Variants in EYS observed in about 807,000 individuals in gnomAD.
EYS encodes protein eyes shut homolog.
A neutral mutation model predicts 282.1 loss-of-function variants in EYS; 250 were observed. That is an observed-to-expected ratio of 0.89 (90% CI 0.80 to 0.98). The LOEUF is 0.98. EYS is among the 50% of genes least tolerant of loss of function. The probability of loss-of-function intolerance (pLI) is 0.00; values close to 1 mark genes in which losing one functional copy is unlikely to be tolerated. For missense variants in EYS, 4,016 were observed against 3,709.0 expected, an observed-to-expected ratio of 1.08 and a Z score of -2.15; for synonymous variants, 1,355 against 1,282.9, an observed-to-expected ratio of 1.06 and a Z score of -1.20.
chr6:63,756,647 G>T (rs908465817), intron 41 of EYS, among the ~76,000 whole-genome samples: 1 of 152,166 alleles, frequency 6.6e-6, no homozygotes, highest in East Asian at 1.9e-4. Context: ...CATAAAGTGA[G>T]TTAGGGAGTG....
intron 14 of EYS, among the ~76,000 whole-genome samples, chr6:64,974,121 A>C (rs559058871): frequency 6.6e-6 from 1 of 151,938 alleles, no homozygotes; most frequent in African/African-American, 2.4e-5. Context: ...TCTTAAAATC[A>C]TTTGTTTATA....
intron 31 of EYS, among the ~76,000 whole-genome samples, chr6:64,203,714 A>G (rs796098798): frequency 5.9e-5 from 9 of 152,340 alleles, no homozygotes; most frequent in African/African-American, 2.2e-4. Flanking sequence ...GTAAGAGGAT[A>G]AAACAATTAC....
intron 22 of EYS, among the ~76,000 whole-genome samples, chr6:64,784,479 G>A (rs1439672920): frequency 1.3e-5 from 2 of 151,992 alleles, no homozygotes; most frequent in Non-Finnish European, 2.9e-5. Context: ...CTTGCTTATT[G>A]TCTTCCCCCT....
Position 65,459,566 on chromosome 6 carries a change from A to C in EYS, c.862+31028T>G, listed in dbSNP as rs75682710. ...TAAATCTGACAATTTAATGAATGAA[A>C]AGATAAAATAAAATATTATTATACA... is the stretch of plus-strand genomic sequence containing the variant. On this transcript the variant is annotated intron_variant, in intron 5 of 42. Coordinates refer to ENST00000503581, the MANE Select transcript of EYS (RefSeq NM_001142800.2). Among the ~76,000 whole-genome samples, 747 of 152,112 alleles carry C rather than the reference A, an allele frequency of 4.9e-3. 16 individuals are homozygous for C. The East Asian group carries it at 0.068, about 14-fold the overall frequency.
chr6:64,311,228 G>C (rs1220655455), intron 29 of EYS, among the ~76,000 whole-genome samples: 1 of 151,930 alleles, frequency 6.6e-6, no homozygotes, highest in African/African-American at 2.4e-5. Flanking sequence ...ATAATAATCA[G>C]GTTAATTAGG....
At chr6:63,851,939 C>T (rs1425497250) in intron 36 of EYS, among the ~76,000 whole-genome samples, 1 of 151,994 alleles carries the variant, frequency 6.6e-6, no homozygotes, top group Non-Finnish European at 1.5e-5. Flanking sequence ...GGGCAGATCA[C>T]GAGGTCAGGA....
chr6:64,585,389 G>A (rs752310824), intron 26 of EYS, among the ~76,000 whole-genome samples: 1 of 151,980 alleles, frequency 6.6e-6, no homozygotes, highest in Non-Finnish European at 1.5e-5. Context: ...TTGGATGATG[G>A]GATCTGTACC....
chr6:64,649,636 C>A (rs916501105), intron 22 of EYS, among the ~76,000 whole-genome samples: 1 of 152,136 alleles, frequency 6.6e-6, no homozygotes, highest in Non-Finnish European at 1.5e-5. Context: ...CCACGCCCAG[C>A]CAACTGCTTT....
At chr6:64,884,018 A>G (rs1767006106) in intron 19 of EYS, among the ~76,000 whole-genome samples, 2 of 151,602 alleles carry the variant, frequency 1.3e-5, no homozygotes. Context: ...TCAACAGCTA[A>G]TAGAATACAA....
intron 14 of EYS, among the ~76,000 whole-genome samples, chr6:64,988,651 A>C (rs1172414222): frequency 6.6e-6 from 1 of 151,558 alleles, no homozygotes; most frequent in Non-Finnish European, 1.5e-5. Context: ...TAATTTTAAA[A>C]AATATTATAG....
chr6:65,628,994 G>C lies in EYS; in HGVS notation c.-333+10784C>G, dbSNP rs534822797. On this transcript the variant is annotated intron_variant, in intron 2 of 42. Coordinates refer to ENST00000503581, the MANE Select transcript of EYS (RefSeq NM_001142800.2). ...CATTTTTAACCACAACCATTAAAAA[G>C]CAAAATTGAGAAATGATTTGATCAG... Among the ~76,000 whole-genome samples, 6 of 152,278 alleles carry C rather than the reference G, an allele frequency of 3.9e-5. No homozygotes were observed. In the East Asian group the frequency reaches 1.2e-3, roughly 29 times the overall value.
chr6:65,468,648 A>G (rs534715231), intron 5 of EYS, among the ~76,000 whole-genome samples: 11 of 152,194 alleles, frequency 7.2e-5, no homozygotes, highest in African/African-American at 2.6e-4. Context: ...TAATTCGAAC[A>G]AAAGTTACCT....
chr6:64,867,502 T>C (rs1025612998), intron 19 of EYS, among the ~76,000 whole-genome samples: 2 of 151,744 alleles, frequency 1.3e-5, no homozygotes, highest in African/African-American at 4.8e-5. Flanking sequence ...GGTGATCCTA[T>C]GACACATAGA....
At chr6:65,597,693 T>TA (rs1251777649) in intron 2 of EYS, among the ~76,000 whole-genome samples, 8 of 152,202 alleles carry the variant, frequency 5.3e-5, no homozygotes, top group Admixed American at 6.6e-5. Flanking sequence ...CACTCAAGAA[T>TA]AATCTGTCAT....
intron 26 of EYS, among the ~76,000 whole-genome samples, chr6:64,561,911 C>A (rs1765405195): frequency 2.8e-5 from 3 of 108,378 alleles, no homozygotes; most frequent in Non-Finnish European, 3.8e-5. Context: ...ATAAAATTCA[C>A]ATGGAACCAA....
intron 31 of EYS, among the ~76,000 whole-genome samples, chr6:64,197,770 AT>A (rs5876882): frequency 0.34 from 50,306 of 149,410 alleles, 8,397 homozygotes; most frequent in East Asian, 0.52. Context: ...TTTAGGATTG[AT>A]TTTTTTTTTT....
chr6:64,951,918 T>C (rs1431247163), intron 14 of EYS, among the ~76,000 whole-genome samples: 1 of 151,964 alleles, frequency 6.6e-6, no homozygotes, highest in Non-Finnish European at 1.5e-5. Flanking sequence ...GAAAAATTGC[T>C]GCCTGAGAAT....
intron 33 of EYS, among the ~76,000 whole-genome samples, chr6:63,999,754 G>T (rs1767993716): frequency 6.6e-6 from 1 of 152,190 alleles, no homozygotes; most frequent in Non-Finnish European, 1.5e-5. Context: ...AAGGTTAAGG[G>T]AGTTTGTAGA....
At chr6:64,028,027 G>C (rs1377026261) in intron 33 of EYS, among the ~76,000 whole-genome samples, 5 of 152,200 alleles carry the variant, frequency 3.3e-5, no homozygotes, top group Non-Finnish European at 7.3e-5. Context: ...CACCTTCTCA[G>C]TTGTAATTGG....
Sources: gnomAD v4.1 joint callset for allele counts (sites outside exome capture counted in the v4.1 genomes callset) on GRCh38, gnomAD v4.1.1 for gene constraint, MANE v1.5 for transcripts, NCBI Gene and HGNC (gene_info 2026-07-23, HGNC 2026-07-21) for gene names.